RGS6: variants seen among roughly 807,000 people sequenced by gnomAD.
RGS6 encodes regulator of G-protein signaling 6.
RGS6 carries 30 observed loss-of-function variants against 78.5 expected under a neutral mutation model. The ratio of observed to expected loss-of-function variants is 0.38; its 90% CI spans 0.29 to 0.52. The LOEUF (loss-of-function observed/expected upper bound fraction) is 0.52. RGS6 is among the 20% of genes least tolerant of loss of function. RGS6 has a pLI of 0.85. For missense variants in RGS6, 495 were observed against 609.7 expected (o/e 0.81, Z 1.98); for synonymous variants, 206 against 206.0 (o/e 1.00, Z 0.00).
chr14:72,612,647 A>C, the RGS6 span: 1 of 518,306 alleles, frequency 1.9e-6, no homozygotes, highest in African/African-American at 1.9e-5. Context: ...GTAGACATGG[A>C]AGGGCAAACC....
rs143120560 is a variant in RGS6 at position 72,199,207 on chromosome 14, C to T, written c.85-152888C>T. 3.3e-3 allele frequency among the ~76,000 whole-genome samples: 496 copies of T among 152,246 alleles called. 2 individuals are homozygous for T. The highest frequency in any genetic ancestry group is 0.011 in the African/African-American group (469 of 41,536). On this transcript the variant is annotated intron_variant, in intron 2 of 17. Coordinates refer to ENST00000553525, the MANE Select transcript of RGS6 (RefSeq NM_001204424.2). Reference sequence around the variant, plus strand: ...GGTTTGCAGTAGTTTGGGGCTGTGGCAATTAGTGACATTTTGTTTTTACAT... The same window carrying T: ...GGTTTGCAGTAGTTTGGGGCTGTGGTAATTAGTGACATTTTGTTTTTACAT...
intron 2 of RGS6, among the ~76,000 whole-genome samples, chr14:72,019,873 T>C (rs111615427): frequency 0.022 from 3,274 of 152,272 alleles, 107 homozygotes; most frequent in African/African-American, 0.07. Context: ...TTGATTTGAA[T>C]TGAAAGACAG....
chr14:72,376,081 G>A (rs1215071546), intron 3 of RGS6, among the ~76,000 whole-genome samples: 1 of 152,060 alleles, frequency 6.6e-6, no homozygotes, highest in African/African-American at 2.4e-5. Flanking sequence ...AACAAATTCA[G>A]TGAAATATAA....
intron 2 of RGS6, among the ~76,000 whole-genome samples, chr14:72,033,904 G>A (rs570433160): frequency 2.6e-5 from 4 of 152,020 alleles, no homozygotes; most frequent in Non-Finnish European, 4.4e-5. Flanking sequence ...CCAACACTTG[G>A]TATTTTCTGT....
rs144946669 is a variant in RGS6 at position 72,286,451 on chromosome 14, C to T, written c.85-65644C>T. Among the ~76,000 whole-genome samples, 35 of 152,126 alleles carry T rather than the reference C, an allele frequency of 2.3e-4. 1 individual carries two copies. In the East Asian group the frequency reaches 6.8e-3, roughly 29 times the overall value. On this transcript the variant is annotated intron_variant, in intron 2 of 17. Transcript: ENST00000553525. ...TTGAAATCAGGAAGTGTGATGCATC[C>T]ATTTTTGTTCTTCTTTCTCAAGATT...
the RGS6 span, chr14:72,620,077 G>T: frequency 2.3e-6 from 3 of 1,330,788 alleles, no homozygotes; most frequent in Non-Finnish European, 2.0e-6. Context: ...TTATTTCCAC[G>T]TCGGTCTCAC....
chr14:72,207,366 C>T (rs1326342544), intron 2 of RGS6, among the ~76,000 whole-genome samples: 1 of 152,188 alleles, frequency 6.6e-6, no homozygotes, highest in Non-Finnish European at 1.5e-5. Flanking sequence ...TTACTGGAAA[C>T]TAGGCATTTG....
At chr14:72,411,492 T>A (rs2093410040) in intron 3 of RGS6, among the ~76,000 whole-genome samples, 1 of 152,216 alleles carries the variant, frequency 6.6e-6, no homozygotes, top group African/African-American at 2.4e-5. Flanking sequence ...TTTCTAGATA[T>A]ACAATCATGT....
intron 3 of RGS6, among the ~76,000 whole-genome samples, chr14:72,414,237 C>G (rs1178618640): frequency 6.6e-6 from 1 of 152,202 alleles, no homozygotes; most frequent in East Asian, 1.9e-4. Context: ...TTTTCACATA[C>G]TCCCGTATTT....
At chr14:72,069,062 T>A (rs1457463735) in intron 2 of RGS6, among the ~76,000 whole-genome samples, 1 of 151,858 alleles carries the variant, frequency 6.6e-6, no homozygotes, top group East Asian at 1.9e-4. Flanking sequence ...ACCTCTGGCC[T>A]CCTGGCTTCA....
At position 72,264,462 on chromosome 14, in the gene RGS6, T is replaced by C. The variant is rs183802313; in HGVS notation, c.85-87633T>C. ...TATGTATAAAATTAAACATTTTTAT[T>C]TGTTCATTTCTTTAAAGTACAACTT... On this transcript the variant is annotated intron_variant, in intron 2 of 17. Transcript: ENST00000553525. Among the ~76,000 whole-genome samples the C allele has an allele frequency of 1.1e-4, 16 of 152,348 alleles. No individual in the cohort carries two copies. The East Asian group carries it at 3.1e-3, about 29-fold the overall frequency.
rs189675351 is a variant in RGS6 at position 72,008,796 on chromosome 14, A to G, written c.84+43921A>G. Among the ~76,000 whole-genome samples the G allele has an allele frequency of 3.2e-4, 48 of 152,236 alleles. 2 individuals carry two copies. The highest frequency in any genetic ancestry group is 1.1e-3 in the African/African-American group (44 of 41,548). ...TGATGCAGACCAGATTGACAGTTTG[A>G]CTGTAACCTCATGAGATACTATGTA... On this transcript the variant is annotated intron_variant, in intron 2 of 17. Transcript: ENST00000553525.
chr14:72,361,430 T>C (rs2081435315), intron 3 of RGS6, among the ~76,000 whole-genome samples: 1 of 152,120 alleles, frequency 6.6e-6, no homozygotes, highest in Non-Finnish European at 1.5e-5. Context: ...GTAAGTCAAG[T>C]GGCAAAGAAA....
At chr14:72,440,133 C>T (rs1040374840) in intron 3 of RGS6, among the ~76,000 whole-genome samples, 16 of 152,244 alleles carry the variant, frequency 1.1e-4, no homozygotes, top group Non-Finnish European at 2.1e-4. Flanking sequence ...TCTTCCCTTT[C>T]TTATCCTACC....
At chr14:71,981,332 G>A (rs538843253) in intron 2 of RGS6, among the ~76,000 whole-genome samples, 12 of 152,314 alleles carry the variant, frequency 7.9e-5, no homozygotes, top group Admixed American at 2.0e-4. Flanking sequence ...GAGGAGGAGA[G>A]GCGCTCTGCT....
intron 2 of RGS6, among the ~76,000 whole-genome samples, chr14:72,105,414 C>A (rs115140175): frequency 0.011 from 1,632 of 152,234 alleles, 25 homozygotes; most frequent in African/African-American, 0.037. Context: ...CCTTTTTGTA[C>A]TTTTCATACA....
At chr14:71,894,936 G>T in the RGS6 span, among the ~76,000 whole-genome samples, 1 of 151,376 alleles carries the variant, frequency 6.6e-6, no homozygotes, top group Non-Finnish European at 1.5e-5. Context: ...AGCTAATTTT[G>T]TATTTTTAGT....
At chr14:72,056,308 T>C (rs1283382320) in intron 2 of RGS6, among the ~76,000 whole-genome samples, 1 of 152,196 alleles carries the variant, frequency 6.6e-6, no homozygotes. Flanking sequence ...AACAAGGCTC[T>C]CAGAATTTAG....
chr14:72,319,490 C>T lies in RGS6; in HGVS notation c.85-32605C>T, dbSNP rs113555430. 9.2e-3 allele frequency among the ~76,000 whole-genome samples: 1,395 copies of T among 152,182 alleles called. 10 individuals are homozygous for T. The highest frequency in any genetic ancestry group is 0.023 in the South Asian group (112 of 4,806). On this transcript the variant is annotated intron_variant, in intron 2 of 17. Transcript: ENST00000553525. ...TCAGCCTCCCAAGTAGCTGGGACTA[C>T]AGGGGCACCCACCACCATGCCCGGC...
Sources: gnomAD v4.1 joint callset for allele counts (sites outside exome capture counted in the v4.1 genomes callset) on GRCh38, gnomAD v4.1.1 for gene constraint, MANE v1.5 for transcripts, NCBI Gene and HGNC (gene_info 2026-07-23, HGNC 2026-07-21) for gene names.